The following NRXN1 variants were observed in gnomAD, a reference collection of about 807,000 sequenced individuals.
NRXN1 encodes the protein neurexin 1, also known as neurexin-1.
Under a neutral mutation model 150.9 loss-of-function variants are expected in NRXN1, and 39 were observed. The observed-to-expected ratio is 0.26, with a 90% confidence interval of 0.20 to 0.34. The LOEUF is 0.34. Ranked by LOEUF, NRXN1 falls within the 10% of genes least tolerant of loss-of-function variation. NRXN1 has a pLI of 1.00. For missense variants in NRXN1, 1,815 were observed against 1,949.9 expected, an observed-to-expected ratio of 0.93 and a Z score of 1.30; for synonymous variants, 924 against 757.0, an observed-to-expected ratio of 1.22 and a Z score of -3.62.
intron 17 of NRXN1, among the ~76,000 whole-genome samples, chr2:50,261,672 T>C (rs1471316919): frequency 6.6e-6 from 1 of 151,900 alleles, no homozygotes; most frequent in Non-Finnish European, 1.5e-5. Flanking sequence ...TCCTTTAATT[T>C]TGAAAGATAT....
chr2:50,890,080 T>C (rs1489640504), intron 5 of NRXN1, among the ~76,000 whole-genome samples: 1 of 151,838 alleles, frequency 6.6e-6, no homozygotes, highest in Non-Finnish European at 1.5e-5. Flanking sequence ...TATAGAGGCT[T>C]AGTTTTAACT....
intron 5 of NRXN1, among the ~76,000 whole-genome samples, chr2:50,644,220 A>G (rs1684477116): frequency 6.6e-6 from 1 of 151,868 alleles, no homozygotes; most frequent in Non-Finnish European, 1.5e-5. Flanking sequence ...TTTGAGAGAA[A>G]ATCTAGTCAA....
intron 18 of NRXN1, among the ~76,000 whole-genome samples, chr2:50,139,299 C>T (rs1706896908): frequency 7.1e-6 from 1 of 141,626 alleles, no homozygotes; most frequent in Non-Finnish European, 1.5e-5. Context: ...GCACTCCAGC[C>T]AGGCAACAGA....
At chr2:50,511,412 A>G (rs1350543054) in intron 12 of NRXN1, among the ~76,000 whole-genome samples, 1 of 152,178 alleles carries the variant, frequency 6.6e-6, no homozygotes, top group African/African-American at 2.4e-5. Flanking sequence ...TTTAGAATGA[A>G]TTTCTCAAGG....
chr2:50,240,747 T>A (rs992768054), intron 17 of NRXN1, among the ~76,000 whole-genome samples: 1 of 151,792 alleles, frequency 6.6e-6, no homozygotes, highest in African/African-American at 2.4e-5. Context: ...TGAAAAAAGA[T>A]GGGGATAGCA....
intron 17 of NRXN1, among the ~76,000 whole-genome samples, chr2:50,335,699 T>C (rs17040471): frequency 0.1 from 15,172 of 152,222 alleles, 1,149 homozygotes; most frequent in East Asian, 0.4. Context: ...ATTGTTGGGT[T>C]ACTACACAAT....
chr2:50,989,396 A>G (rs1698205927), intron 2 of NRXN1, among the ~76,000 whole-genome samples: 1 of 150,980 alleles, frequency 6.6e-6, no homozygotes, highest in Admixed American at 6.6e-5. Flanking sequence ...CTTGACAAAC[A>G]CTTACAGTCA....
intron 5 of NRXN1, among the ~76,000 whole-genome samples, chr2:50,852,228 G>C (rs565206481): frequency 2.1e-4 from 32 of 152,260 alleles, no homozygotes; most frequent in African/African-American, 7.5e-4. Flanking sequence ...CACTATGACA[G>C]TTGAAATGCT....
At position 50,030,593 on chromosome 2, in the gene NRXN1, C is replaced by T. The variant is rs564845903; in HGVS notation, c.4128+22678G>A. 5.3e-5 allele frequency among the ~76,000 whole-genome samples: 8 copies of T among 152,228 alleles called. No individual in the cohort carries two copies. The South Asian group carries it at 1.7e-3, about 32-fold the overall frequency. The stretch of plus-strand genomic sequence containing the variant: ...CTTCAGAGTTGAGTTCAGTTTCTCT[C>T]CCCTATTGCAATAGCCTTGATTAAA... On this transcript the variant is annotated intron_variant, in intron 21 of 22. Coordinates refer to ENST00000401669, the MANE Select transcript of NRXN1 (RefSeq NM_001330078.2).
At chr2:50,312,944 T>G (rs2152965847) in intron 17 of NRXN1, among the ~76,000 whole-genome samples, 1 of 152,220 alleles carries the variant, frequency 6.6e-6, no homozygotes, top group African/African-American at 2.4e-5. Context: ...TGGGGCTTTC[T>G]TGGGAGTCAC....
chr2:50,803,197 C>A (rs541205279), intron 5 of NRXN1, among the ~76,000 whole-genome samples: 1 of 152,224 alleles, frequency 6.6e-6, no homozygotes, highest in Non-Finnish European at 1.5e-5. Context: ...CATTTACATA[C>A]AATTTTAATT....
chr2:49,938,211 C>A (rs1671380197), intron 22 of NRXN1, among the ~76,000 whole-genome samples: 1 of 152,304 alleles, frequency 6.6e-6, no homozygotes, highest in East Asian at 1.9e-4. Flanking sequence ...AGAGAATACA[C>A]CAGCTCTCTC....
rs150520743 is a variant in NRXN1 at position 50,946,712 on chromosome 2, C to T, written c.773-20757G>A. 3.9e-5 allele frequency among the ~76,000 whole-genome samples: 6 copies of T among 152,058 alleles called. No homozygotes were observed. The East Asian group carries it at 9.7e-4, about 25-fold the overall frequency. The stretch of plus-strand genomic sequence containing the variant: ...AAAGCAGTATAAAAATTACACTCAC[C>T]TCAATATACTTTAAAAAAACGCAAG... On this transcript the variant is annotated intron_variant, in intron 2 of 22. Transcript: ENST00000401669.
chr2:50,976,253 C>A (rs1695819725), intron 2 of NRXN1, among the ~76,000 whole-genome samples: 1 of 150,240 alleles, frequency 6.7e-6, no homozygotes, highest in Non-Finnish European at 1.5e-5. Flanking sequence ...TCTGTCTCTG[C>A]AACTAAGTGG....
chr2:50,467,271 C>G (rs1415065996), intron 16 of NRXN1, among the ~76,000 whole-genome samples: 1 of 151,552 alleles, frequency 6.6e-6, no homozygotes, highest in Non-Finnish European at 1.5e-5. Context: ...TAAAACCTCA[C>G]TAATAAGAAC....
At chr2:50,263,897 G>A (rs1193377536) in intron 17 of NRXN1, among the ~76,000 whole-genome samples, 1 of 152,096 alleles carries the variant, frequency 6.6e-6, no homozygotes, top group Non-Finnish European at 1.5e-5. Flanking sequence ...TGGTCTAGAG[G>A]TTGCTCTCTT....
chr2:50,287,295 G>A (rs1176241176), intron 17 of NRXN1, among the ~76,000 whole-genome samples: 1 of 151,898 alleles, frequency 6.6e-6, no homozygotes, highest in Non-Finnish European at 1.5e-5. Context: ...AAAATAATAG[G>A]ACAAAAATGT....
At chr2:50,295,292 C>T (rs1309406827) in intron 17 of NRXN1, among the ~76,000 whole-genome samples, 3 of 152,088 alleles carry the variant, frequency 2.0e-5, no homozygotes, top group Non-Finnish European at 4.4e-5. Context: ...TTATAAGGAA[C>T]CAAGAGAGTT....
chr2:50,236,755 AG>A, intron 18 of NRXN1, 33 bp downstream of exon 18: 1 of 1,604,666 alleles, frequency 6.2e-7, no homozygotes, highest in Non-Finnish European at 8.5e-7. Context: ...AACAGTAAAA[AG>A]TAAAAGCTGA....
Sources: allele counts gnomAD v4.1 joint callset (sites outside exome capture counted in the v4.1 genomes callset), GRCh38; gene constraint gnomAD v4.1.1; transcripts MANE v1.5; gene names NCBI Gene and HGNC (gene_info 2026-07-23, HGNC 2026-07-21).